ZUP1: variants seen among roughly 807,000 people sequenced by gnomAD.
ZUP1 encodes the protein zinc finger-containing ubiquitin peptidase 1.
ZUP1 carries 55 observed loss-of-function variants against 68.1 expected under a neutral mutation model. The ratio of observed to expected loss-of-function variants is 0.81; its 90% CI spans 0.65 to 1.01. The LOEUF is 1.01. Ranked by LOEUF, ZUP1 falls within the 50% of genes least tolerant of loss-of-function variation. The pLI, the probability that ZUP1 is intolerant of heterozygous loss-of-function variation, is 0.00. For synonymous variants in ZUP1, 223 were observed against 221.5 expected, an observed-to-expected ratio of 1.01 and a Z score of -0.06; for missense variants, 684 against 674.9, an observed-to-expected ratio of 1.01 and a Z score of -0.15.
intron 8 of ZUP1, among the ~76,000 whole-genome samples, chr6:116,646,849 T>C (rs191357035): frequency 6.6e-6 from 1 of 152,250 alleles, no homozygotes; most frequent in Non-Finnish European, 1.5e-5. Flanking sequence ...GTGCTAGGAT[T>C]ACAGGCATGA....
At chr6:116,639,068 C>A (rs551194647) in intron 9 of ZUP1, among the ~76,000 whole-genome samples, 1 of 152,094 alleles carries the variant, frequency 6.6e-6, no homozygotes, top group African/African-American at 2.4e-5. Flanking sequence ...CCTACGCCCA[C>A]GGAGTCTCCC....
At chr6:116,649,703 T>A (rs916697149) in intron 7 of ZUP1, among the ~76,000 whole-genome samples, 11 of 152,322 alleles carry the variant, frequency 7.2e-5, no homozygotes, top group African/African-American at 2.6e-4. Context: ...TATATAACGA[T>A]ATTTGAGAGT....
intron 9 of ZUP1, among the ~76,000 whole-genome samples, chr6:116,637,427 ATTATAT>A (rs1021294507): frequency 6.6e-6 from 1 of 152,118 alleles, no homozygotes; most frequent in African/African-American, 2.4e-5. Context: ...ATTAAATCTT[ATTATAT>A]TTATTATTAT....
intron 4 of ZUP1, among the ~76,000 whole-genome samples, chr6:116,657,718 C>T: frequency 6.6e-6 from 1 of 152,206 alleles, no homozygotes; most frequent in South Asian, 2.1e-4. Flanking sequence ...TTTAACTGAA[C>T]ACTTTCAAAC....
intron 8 of ZUP1, 154 bp from the exon 9 acceptor site, chr6:116,646,088 A>T: frequency 2.1e-6 from 1 of 476,064 alleles, no homozygotes; most frequent in Non-Finnish European, 3.6e-6. Context: ...AAGACGTAAG[A>T]GTTTAGTTCT....
At chr6:116,657,064 T>C (rs1173897832) in intron 4 of ZUP1, among the ~76,000 whole-genome samples, 2 of 152,156 alleles carry the variant, frequency 1.3e-5, no homozygotes, top group African/African-American at 4.8e-5. Context: ...CACTTCTTTA[T>C]AATCAATCTC....
intron 3 of ZUP1, among the ~76,000 whole-genome samples, chr6:116,659,661 A>G (rs1272800109): frequency 1.3e-5 from 2 of 152,150 alleles, no homozygotes; most frequent in Non-Finnish European, 2.9e-5. Flanking sequence ...ACATTTACAA[A>G]GTGCAGGTGT....
chr6:116,649,356 A>C (rs1776409831), intron 7 of ZUP1, among the ~76,000 whole-genome samples: 1 of 152,210 alleles, frequency 6.6e-6, no homozygotes, highest in African/African-American at 2.4e-5. Context: ...TAAAAACCCA[A>C]TGACATAATA....
chr6:116,655,054 T>C (rs560871264), intron 5 of ZUP1, among the ~76,000 whole-genome samples: 1 of 152,112 alleles, frequency 6.6e-6, no homozygotes, highest in South Asian at 2.1e-4. Context: ...AGTAGAAAAC[T>C]GGAAGCAATC....
chr6:116,657,426 CT>C (rs58967326), intron 4 of ZUP1, among the ~76,000 whole-genome samples: 3,542 of 152,218 alleles, frequency 0.023, 68 homozygotes, highest in Middle Eastern at 0.099. Flanking sequence ...ATTACATAAC[CT>C]CCTTAAATAT....
At chr6:116,663,786 A>T (rs192458069) in intron 2 of ZUP1, among the ~76,000 whole-genome samples, 6 of 141,646 alleles carry the variant, frequency 4.2e-5, no homozygotes, top group Admixed American at 7.0e-5. Context: ...ATTAAATATT[A>T]AAAAAAAAAA....
chr6:116,659,023 T>C (rs553099014), intron 3 of ZUP1, 99 bp from the exon 4 acceptor site: 1 of 1,087,450 alleles, frequency 9.2e-7, no homozygotes, highest in East Asian at 3.0e-5. Context: ...ATGCTGTTAT[T>C]TGCCATTTAT....
At chr6:116,652,254 T>TCTCTCC in intron 5 of ZUP1, 62 bp from the exon 6 acceptor site, 13 of 1,323,514 alleles carry the variant, frequency 9.8e-6, no homozygotes, top group Non-Finnish European at 8.4e-6. Flanking sequence ...TCTCATACAT[T>TCTCTCC]TTTAATATCA....
At chr6:116,660,700 T>C in intron 3 of ZUP1, 36 bp downstream of exon 3, 1 of 1,215,838 alleles carries the variant, frequency 8.2e-7, no homozygotes, top group Non-Finnish European at 1.2e-6. Context: ...AAGTAGAAAT[T>C]AAATGATATT....
At chr6:116,651,371 A>G (rs1396426245) in intron 7 of ZUP1, among the ~76,000 whole-genome samples, 1 of 152,176 alleles carries the variant, frequency 6.6e-6, no homozygotes, top group Non-Finnish European at 1.5e-5. Context: ...AAAACAATGG[A>G]AGTGACAGTT....
chr6:116,651,963 T>C, intron 6 of ZUP1, 41 bp downstream of exon 6: 1 of 1,585,220 alleles, frequency 6.3e-7, no homozygotes, highest in East Asian at 2.2e-5. Context: ...ATCATATGTA[T>C]TTTATCAGAT....
At chr6:116,655,881 G>T (rs1182483022) in intron 5 of ZUP1, among the ~76,000 whole-genome samples, 1 of 152,182 alleles carries the variant, frequency 6.6e-6, no homozygotes, top group African/African-American at 2.4e-5. Flanking sequence ...TGGCTATCGA[G>T]AATTTGAAAT....
At chr6:116,666,564 C>T (rs1238663294) in intron 2 of ZUP1, 70 bp downstream of exon 2, 2 of 1,373,600 alleles carry the variant, frequency 1.5e-6, no homozygotes, top group African/African-American at 1.4e-5. Flanking sequence ...ACTTACAAAC[C>T]AACTTTTAAA....
intron 9 of ZUP1, among the ~76,000 whole-genome samples, chr6:116,643,014 A>G (rs2115384292): frequency 6.6e-6 from 1 of 152,224 alleles, no homozygotes; most frequent in East Asian, 1.9e-4. Flanking sequence ...TCAACGTACA[A>G]AAATCACAAG....
Sources: gnomAD v4.1 joint callset for allele counts (sites outside exome capture counted in the v4.1 genomes callset) on GRCh38, gnomAD v4.1.1 for gene constraint, MANE v1.5 for transcripts, NCBI Gene and HGNC (gene_info 2026-07-23, HGNC 2026-07-21) for gene names.